SLC24A2: variants seen among roughly 807,000 people sequenced by gnomAD.
SLC24A2 encodes solute carrier family 24 member 2, also known as sodium/potassium/calcium exchanger 2.
SLC24A2 carries 36 observed loss-of-function variants against 62.0 expected under a neutral mutation model. The observed-to-expected ratio is 0.58, with a 90% CI of 0.44 to 0.77. SLC24A2 has a LOEUF of 0.77. Among genes scored for constraint, SLC24A2 ranks in the 30% least tolerant of loss-of-function variants. SLC24A2 has a pLI of 0.00. For missense variants in SLC24A2, 846 were observed against 817.9 expected (o/e 1.03, Z -0.42); for synonymous variants, 358 against 294.0 (o/e 1.22, Z -2.23).
chr9:19,702,869 T>G (rs1286283338), intron 2 of SLC24A2, among the ~76,000 whole-genome samples: 1 of 152,202 alleles, frequency 6.6e-6, no homozygotes, highest in Non-Finnish European at 1.5e-5. Context: ...TTCATTGATT[T>G]AGGCATGCCA....
the SLC24A2 span, among the ~76,000 whole-genome samples, chr9:20,101,720 G>C: frequency 6.6e-6 from 1 of 151,976 alleles, no homozygotes; most frequent in South Asian, 2.1e-4. Flanking sequence ...ACTTCAAATG[G>C]TATCAACTCA....
chr9:19,762,888 G>C (rs563747745), intron 2 of SLC24A2, among the ~76,000 whole-genome samples: 2 of 142,702 alleles, frequency 1.4e-5, no homozygotes, highest in South Asian at 4.9e-4. Context: ...GAATAGCATT[G>C]AATCTATAAA....
upstream of SLC24A2, among the ~76,000 whole-genome samples, chr9:19,792,078 C>T (rs1823325810): frequency 6.6e-6 from 1 of 152,036 alleles, no homozygotes; most frequent in African/African-American, 2.4e-5. Flanking sequence ...GTAAAACTGC[C>T]AAAGGGGTGC....
In SLC24A2 at chr9:19,528,127, C is replaced by T; in HGVS notation, c.1491G>A (p.Lys497=). Residue 497 remains lysine (K), a synonymous_variant, in exon 9 of 11, where the codon AAG becomes AAA. Transcript: ENST00000341998. The stretch of plus-strand genomic sequence containing the variant: ...AGCCAAAGAACGTGATGGGAAAAAA[C>T]TTCCTCGATGACTGAAAGACAACCA... The part of the protein sequence containing the change: ...LPDVRKPSSR[K]FFPITFFGSI... The T allele has an allele frequency of 6.3e-7, 1 of 1,584,510 alleles. No homozygotes were observed.
intron 2 of SLC24A2, among the ~76,000 whole-genome samples, chr9:19,674,008 A>G (rs1012257400): frequency 3.3e-5 from 5 of 152,068 alleles, no homozygotes; most frequent in Non-Finnish European, 7.4e-5. Flanking sequence ...ATTTTGGTGT[A>G]TTTCAAGGAT....
the SLC24A2 span, among the ~76,000 whole-genome samples, chr9:20,201,358 G>A: frequency 3.3e-5 from 5 of 152,300 alleles, no homozygotes; most frequent in South Asian, 2.1e-4. Context: ...CTCATCTCAC[G>A]GTGCCAGATT....
the SLC24A2 span, among the ~76,000 whole-genome samples, chr9:19,886,070 T>C: frequency 6.6e-6 from 1 of 152,164 alleles, no homozygotes; most frequent in Non-Finnish European, 1.5e-5. Flanking sequence ...TGTGTGCATG[T>C]GTCATTATGG....
the SLC24A2 span, among the ~76,000 whole-genome samples, chr9:20,115,826 C>T: frequency 6.6e-6 from 1 of 152,104 alleles, no homozygotes; most frequent in Admixed American, 6.6e-5. Flanking sequence ...TTCTTCATTC[C>T]AAAATTGGCT....
the SLC24A2 span, among the ~76,000 whole-genome samples, chr9:20,105,525 G>C: frequency 6.6e-6 from 1 of 151,874 alleles, no homozygotes; most frequent in Non-Finnish European, 1.5e-5. Context: ...AATCAAACTA[G>C]AACTCAGGAT....
chr9:19,571,240 C>G (rs1410985062), intron 7 of SLC24A2, among the ~76,000 whole-genome samples: 1 of 152,088 alleles, frequency 6.6e-6, no homozygotes, highest in Non-Finnish European at 1.5e-5. Context: ...GCAAAGGGAC[C>G]ACAGGGCTCT....
intron 5 of SLC24A2, 27 bp downstream of exon 5, chr9:19,597,202 T>C (rs1395707285): frequency 1.3e-6 from 2 of 1,484,996 alleles, no homozygotes; most frequent in Non-Finnish European, 1.9e-6. Flanking sequence ...AAAAAGCCAA[T>C]GCATACAATT....
chr9:19,873,431 TCTC>T, the SLC24A2 span, among the ~76,000 whole-genome samples: 2 of 148,798 alleles, frequency 1.3e-5, no homozygotes, highest in Admixed American at 6.6e-5. Flanking sequence ...TCTTTCTCTC[TCTC>T]CTTCCTTTCT....
the SLC24A2 span, among the ~76,000 whole-genome samples, chr9:20,052,125 T>A: frequency 6.6e-6 from 1 of 152,316 alleles, no homozygotes; most frequent in South Asian, 2.1e-4. Context: ...ATGTTGATGA[T>A]GCCCAAATTT....
At chr9:20,250,885 C>T in the SLC24A2 span, among the ~76,000 whole-genome samples, 1 of 152,168 alleles carries the variant, frequency 6.6e-6, no homozygotes. Context: ...CCTTCCCATT[C>T]TCTGAATTCT....
At chr9:20,264,339 A>G in the SLC24A2 span, among the ~76,000 whole-genome samples, 2 of 152,226 alleles carry the variant, frequency 1.3e-5, no homozygotes, top group Admixed American at 6.5e-5. Flanking sequence ...CTTTTCTCAG[A>G]TAACTCAGTT....
intron 2 of SLC24A2, among the ~76,000 whole-genome samples, chr9:19,677,879 A>G (rs190600793): frequency 3.8e-4 from 58 of 151,442 alleles, no homozygotes; most frequent in African/African-American, 1.4e-3. Flanking sequence ...ACATATACAA[A>G]CATATATAAG....
the SLC24A2 span, among the ~76,000 whole-genome samples, chr9:20,102,744 G>T: frequency 6.7e-6 from 1 of 150,136 alleles, no homozygotes; most frequent in South Asian, 2.1e-4. Context: ...GAACAGCTCC[G>T]GTCTACAGCT....
the SLC24A2 span, among the ~76,000 whole-genome samples, chr9:20,059,506 G>A: frequency 6.6e-6 from 1 of 151,974 alleles, no homozygotes. Context: ...AAGGAAAACT[G>A]GAAAATCCAC....
At chr9:19,917,462 T>C in the SLC24A2 span, among the ~76,000 whole-genome samples, 2 of 151,666 alleles carry the variant, frequency 1.3e-5, no homozygotes, top group African/African-American at 4.8e-5. Context: ...GAGATGACAT[T>C]AGACCTCTAA....
Sources: gnomAD v4.1 joint callset for allele counts (sites outside exome capture counted in the v4.1 genomes callset) on GRCh38, gnomAD v4.1.1 for gene constraint, MANE v1.5 for transcripts, NCBI Gene and HGNC (gene_info 2026-07-23, HGNC 2026-07-21) for gene names.